PTPN13: variants seen among roughly 807,000 people sequenced by gnomAD.
PTPN13 encodes the protein protein tyrosine phosphatase non-receptor type 13.
Under a neutral mutation model 284.0 loss-of-function variants are expected in PTPN13, and 191 were observed. The observed-to-expected ratio is 0.67, with a 90% CI of 0.60 to 0.76. The LOEUF (loss-of-function observed/expected upper bound fraction) is 0.76, where lower values mean the gene tolerates loss of function less well. PTPN13 is among the 30% of genes least tolerant of loss of function. The pLI is 0.00. For synonymous variants in PTPN13, 986 were observed against 1,022.3 expected, an observed-to-expected ratio of 0.96 and a Z score of 0.68; for missense variants, 2,797 against 2,939.9, an observed-to-expected ratio of 0.95 and a Z score of 1.12.
At chr4:86,763,401 C>T (rs998193862) in intron 24 of PTPN13, among the ~76,000 whole-genome samples, 3 of 152,166 alleles carry the variant, frequency 2.0e-5, no homozygotes, top group African/African-American at 7.2e-5. Flanking sequence ...ACTTTGCAAA[C>T]TTGCTATCTA....
At position 86,767,822 on chromosome 4, in the gene PTPN13, T is replaced by C. The variant is rs1179187168; in HGVS notation, c.4335T>C (p.Val1445=). The part of the protein sequence containing the change: ...VETLRNTGQV[V]HLLLEKGQSP... ...ATGCTATTTTACTTATCCAGGTGGT[T>C]CATCTGTTATTAGAAAAGGGACAAT... Residue 1445 remains valine (V), a synonymous_variant, in exon 28 of 48, where the codon GTT becomes GTC. Transcript: ENST00000411767. 1.3e-6 allele frequency: 2 copies of C among 1,570,134 alleles called. No individual in the cohort carries two copies. The highest frequency in any genetic ancestry group is 2.3e-5 in the East Asian group (1 of 43,936).
At chr4:86,774,346 A>G in intron 32 of PTPN13, 27 bp from the exon 33 acceptor site, 10 of 1,584,412 alleles carry the variant, frequency 6.3e-6, no homozygotes, top group Non-Finnish European at 8.6e-6. Flanking sequence ...TAGACAACCT[A>G]AAAGTATTAC....
chr4:86,806,529 G>A (rs138201497), intron 44 of PTPN13, among the ~76,000 whole-genome samples: 57 of 152,244 alleles, frequency 3.7e-4, no homozygotes, highest in African/African-American at 1.3e-3. Flanking sequence ...TTAAAAAATG[G>A]ATCAGATCAC....
intron 17 of PTPN13, among the ~76,000 whole-genome samples, chr4:86,748,767 T>C (rs975373199): frequency 1.3e-5 from 2 of 152,136 alleles, no homozygotes; most frequent in African/African-American, 4.8e-5. Context: ...GCCATTCTCC[T>C]GCCTCAGCCT....
At chr4:86,650,306 G>C (rs1231556764) in intron 2 of PTPN13, among the ~76,000 whole-genome samples, 1 of 151,554 alleles carries the variant, frequency 6.6e-6, no homozygotes, top group Non-Finnish European at 1.5e-5. Flanking sequence ...GTTTTATAGG[G>C]TTGTGTTTTC....
At chr4:86,706,271 C>T (rs1345177969) in intron 7 of PTPN13, among the ~76,000 whole-genome samples, 2 of 152,210 alleles carry the variant, frequency 1.3e-5, no homozygotes, top group African/African-American at 4.8e-5. Flanking sequence ...GATTCTTCCA[C>T]TCTGCTGTCC....
At chr4:86,660,920 T>A (rs1384037015) in intron 2 of PTPN13, among the ~76,000 whole-genome samples, 2 of 152,182 alleles carry the variant, frequency 1.3e-5, no homozygotes, top group Non-Finnish European at 2.9e-5. Context: ...TCATCTTCTC[T>A]AGTCCTATCC....
At chr4:86,677,437 C>T (rs1264236121) in intron 3 of PTPN13, among the ~76,000 whole-genome samples, 4 of 151,186 alleles carry the variant, frequency 2.6e-5, no homozygotes, top group Admixed American at 2.6e-4. Flanking sequence ...GCCTCAGCCT[C>T]CCAAGTAGCT....
chr4:86,785,267 C>G lies in PTPN13; in HGVS notation c.6155C>G (p.Ser2052Cys), dbSNP rs199964451. The G allele has an allele frequency of 3.1e-4, 486 of 1,585,316 alleles. No homozygotes were observed. Among genetic ancestry groups the G allele is most frequent in the Middle Eastern group, 6.7e-4 (4 of 6,010 alleles). ...YIQEDDIYDD[S>C]QEAEVIQSLL... ...CAAGAAGATGACATTTATGATGATT[C>G]CCAAGAAGCTGAAGTTATCCAGTCT... Residue 2052 changes from serine (S) to cysteine (C), a missense_variant, in exon 39 of 48, where the codon TCC becomes TGC. Transcript: ENST00000411767.
At chr4:86,635,879 C>G (rs576506677) in intron 2 of PTPN13, among the ~76,000 whole-genome samples, 13 of 152,238 alleles carry the variant, frequency 8.5e-5, no homozygotes, top group African/African-American at 2.4e-4. Flanking sequence ...AGGAGAATCA[C>G]TTGAATCCAG....
chr4:86,801,367 T>G (rs1744010670), intron 42 of PTPN13, among the ~76,000 whole-genome samples: 1 of 152,270 alleles, frequency 6.6e-6, no homozygotes, highest in South Asian at 2.1e-4. Flanking sequence ...GCTTAGAAGC[T>G]AATTTAAATG....
At chr4:86,619,771 T>C (rs1565159523) in intron 1 of PTPN13, among the ~76,000 whole-genome samples, 1 of 152,064 alleles carries the variant, frequency 6.6e-6, no homozygotes, top group East Asian at 1.9e-4. Context: ...TTTCTTTTTT[T>C]TTTTCCCCCA....
At chr4:86,619,870 T>C (rs1045623702) in intron 1 of PTPN13, among the ~76,000 whole-genome samples, 1 of 151,966 alleles carries the variant, frequency 6.6e-6, no homozygotes, top group Non-Finnish European at 1.5e-5. Flanking sequence ...TTTTAACAAA[T>C]AGAGACATGT....
intron 2 of PTPN13, among the ~76,000 whole-genome samples, chr4:86,648,626 C>G (rs927037556): frequency 1.3e-5 from 2 of 152,128 alleles, no homozygotes; most frequent in African/African-American, 4.8e-5. Flanking sequence ...ACCCATTCAT[C>G]TGTTGGTAGA....
intron 17 of PTPN13, among the ~76,000 whole-genome samples, chr4:86,745,931 A>C (rs1736705117): frequency 6.6e-6 from 1 of 152,158 alleles, no homozygotes; most frequent in South Asian, 2.1e-4. Context: ...TTGGAGATAA[A>C]TGGAAGGGCT....
intron 16 of PTPN13, among the ~76,000 whole-genome samples, chr4:86,743,912 T>C (rs1249863396): frequency 6.6e-6 from 1 of 152,196 alleles, no homozygotes; most frequent in African/African-American, 2.4e-5. Context: ...ACAGTCTAAC[T>C]GGACTTAAGT....
At chr4:86,711,537 A>G (rs1732418177) in intron 7 of PTPN13, among the ~76,000 whole-genome samples, 1 of 152,080 alleles carries the variant, frequency 6.6e-6, no homozygotes. Flanking sequence ...CTTCTCATTA[A>G]TATTTCTAAC....
chr4:86,683,094 A>G (rs1385423513), intron 3 of PTPN13, among the ~76,000 whole-genome samples: 1 of 152,128 alleles, frequency 6.6e-6, no homozygotes, highest in African/African-American at 2.4e-5. Context: ...GAGATATTTC[A>G]TACTTATATG....
At chr4:86,795,605 C>A (rs931629300) in intron 40 of PTPN13, among the ~76,000 whole-genome samples, 1 of 152,152 alleles carries the variant, frequency 6.6e-6, no homozygotes, top group African/African-American at 2.4e-5. Flanking sequence ...TTTATTGCAG[C>A]ACTGTTCACA....
Sources: gnomAD v4.1 joint callset for allele counts (sites outside exome capture counted in the v4.1 genomes callset) on GRCh38, gnomAD v4.1.1 for gene constraint, MANE v1.5 for transcripts, NCBI Gene and HGNC (gene_info 2026-07-23, HGNC 2026-07-21) for gene names.